The following B3GALT1 variants were observed in gnomAD, a reference collection of about 807,000 sequenced individuals.
The protein encoded by B3GALT1 is beta-1,3-galactosyltransferase 1.
Under a neutral mutation model 23.2 loss-of-function variants are expected in B3GALT1, and 10 were observed. The observed-to-expected ratio is 0.43, with a 90% CI of 0.27 to 0.73. B3GALT1 has a LOEUF of 0.73. B3GALT1 is among the 30% of genes least tolerant of loss of function. The pLI is 0.21. For missense variants in B3GALT1, 299 were observed against 405.4 expected (o/e 0.74, Z 2.25); for synonymous variants, 156 against 141.5 (o/e 1.10, Z -0.73).
In B3GALT1 at chr2:167,466,869, C is replaced by T. The variant is rs188867437; in HGVS notation, c.-510-23308C>T. ...CTGGGACTACAGGCGCCCGCCACCA[C>T]GCCTGGCTAATTTTTTTTTTTTTTT... On this transcript the variant is annotated intron_variant, in intron 1 of 4. Transcript: ENST00000392690. Among the ~76,000 whole-genome samples the T allele has an allele frequency of 2.3e-3, 326 of 140,420 alleles. 2 individuals carry two copies. Among genetic ancestry groups the T allele is most frequent in the African/African-American group, 7.8e-3 (300 of 38,628 alleles). The allele number at this position is 140,420 out of a possible 152,430, so 92.1% of individuals were successfully genotyped here. A position where few individuals can be genotyped will look rare whatever the true frequency, so the allele number is the denominator to read the frequency against.
intron 4 of B3GALT1, among the ~76,000 whole-genome samples, chr2:167,850,031 A>G (rs1689846939): frequency 6.6e-6 from 1 of 152,234 alleles, no homozygotes; most frequent in Non-Finnish European, 1.5e-5. Flanking sequence ...AATAAAAACA[A>G]AGATAAATCA....
At chr2:167,803,963 G>C (rs571764467) in intron 3 of B3GALT1, among the ~76,000 whole-genome samples, 5 of 152,084 alleles carry the variant, frequency 3.3e-5, no homozygotes, top group Non-Finnish European at 7.4e-5. Flanking sequence ...TGTATTGCAC[G>C]AAGTATACAC....
rs531856283 is a variant in B3GALT1 at position 167,746,384 on chromosome 2, T to G, written c.-351-72288T>G. ...CATTTGCAATCTTACTGCATTGATTTGTTTGACATAGAATCATCTTCCAAG... is the reference window on the plus strand; with the variant it reads ...CATTTGCAATCTTACTGCATTGATTGGTTTGACATAGAATCATCTTCCAAG... On this transcript the variant is annotated intron_variant, in intron 3 of 4. Coordinates refer to ENST00000392690, the MANE Select transcript of B3GALT1 (RefSeq NM_020981.4). Among the ~76,000 whole-genome samples the G allele has an allele frequency of 3.3e-5, 5 of 152,352 alleles. No homozygotes were observed. In the South Asian group the frequency reaches 6.2e-4, roughly 19 times the overall value.
intron 1 of B3GALT1, among the ~76,000 whole-genome samples, chr2:167,481,369 A>G (rs939094236): frequency 6.7e-6 from 1 of 149,508 alleles, no homozygotes; most frequent in African/African-American, 2.4e-5. Flanking sequence ...AGTTTAGCTT[A>G]TCTCCATAAG....
intron 2 of B3GALT1, among the ~76,000 whole-genome samples, chr2:167,570,434 G>C (rs540385885): frequency 1.3e-5 from 2 of 151,790 alleles, no homozygotes; most frequent in Non-Finnish European, 2.9e-5. Context: ...ATTTGTGAGC[G>C]TACAGTTGTT....
intron 4 of B3GALT1, among the ~76,000 whole-genome samples, chr2:167,839,340 C>T (rs373677512): frequency 2.0e-5 from 3 of 152,134 alleles, no homozygotes; most frequent in Non-Finnish European, 2.9e-5. Flanking sequence ...TCTCAGGATA[C>T]AAAATCAATG....
chr2:167,481,930 G>A (rs1417609606), intron 1 of B3GALT1, among the ~76,000 whole-genome samples: 2 of 152,144 alleles, frequency 1.3e-5, no homozygotes, highest in Admixed American at 6.5e-5. Context: ...TTTTTTGAAG[G>A]CAGAGATTAA....
chr2:167,656,955 A>C (rs1685965625), intron 3 of B3GALT1, among the ~76,000 whole-genome samples: 1 of 152,124 alleles, frequency 6.6e-6, no homozygotes, highest in Non-Finnish European at 1.5e-5. Flanking sequence ...GCCACAGTGA[A>C]GAAGCCAGAG....
chr2:167,743,425 G>A (rs1170964706), intron 3 of B3GALT1, among the ~76,000 whole-genome samples: 2 of 152,016 alleles, frequency 1.3e-5, no homozygotes, highest in Admixed American at 1.3e-4. Flanking sequence ...GAAAACAATA[G>A]AATATTTATC....
At chr2:167,602,255 G>C (rs983134886) in intron 2 of B3GALT1, among the ~76,000 whole-genome samples, 1 of 152,184 alleles carries the variant, frequency 6.6e-6, no homozygotes, top group African/African-American at 2.4e-5. Context: ...AGAAACAGCA[G>C]TGTACAGAGA....
At chr2:167,361,464 T>C (rs1697498824) in intron 1 of B3GALT1, among the ~76,000 whole-genome samples, 1 of 152,174 alleles carries the variant, frequency 6.6e-6, no homozygotes, top group African/African-American at 2.4e-5. Context: ...AAGCTGACAA[T>C]GCACAGTAGT....
intron 1 of B3GALT1, among the ~76,000 whole-genome samples, chr2:167,298,585 T>C (rs1248641083): frequency 6.6e-6 from 1 of 152,126 alleles, no homozygotes; most frequent in Admixed American, 6.5e-5. Flanking sequence ...CAGATGTATA[T>C]ACTCTATATA....
At chr2:167,838,560 A>T (rs1193105647) in intron 4 of B3GALT1, among the ~76,000 whole-genome samples, 1 of 152,304 alleles carries the variant, frequency 6.6e-6, no homozygotes, top group Non-Finnish European at 1.5e-5. Flanking sequence ...TAAAGAGTCC[A>T]GGACCAGAAG....
At chr2:167,559,920 G>A (rs1245547625) in intron 2 of B3GALT1, among the ~76,000 whole-genome samples, 8 of 152,080 alleles carry the variant, frequency 5.3e-5, no homozygotes, top group African/African-American at 1.9e-4. Context: ...ATCTAGCAAG[G>A]CAGGCCAACG....
intron 2 of B3GALT1, among the ~76,000 whole-genome samples, chr2:167,582,434 T>C (rs1175516565): frequency 1.3e-5 from 2 of 152,170 alleles, no homozygotes; most frequent in Non-Finnish European, 2.9e-5. Context: ...CAAGAAAATA[T>C]AGTGTCTATT....
chr2:167,499,963 G>T (rs191281183), intron 2 of B3GALT1, among the ~76,000 whole-genome samples: 278 of 152,132 alleles, frequency 1.8e-3, no homozygotes, highest in African/African-American at 6.4e-3. Context: ...GGCAGGTCAG[G>T]GGTGGTGTGT....
At chr2:167,616,218 C>T (rs1685158876) in intron 2 of B3GALT1, among the ~76,000 whole-genome samples, 1 of 151,956 alleles carries the variant, frequency 6.6e-6, no homozygotes, top group Non-Finnish European at 1.5e-5. Flanking sequence ...TTGAATAAAT[C>T]TCCTGAAGAG....
At chr2:167,808,752 A>G (rs1260452474) in intron 3 of B3GALT1, among the ~76,000 whole-genome samples, 2 of 151,970 alleles carry the variant, frequency 1.3e-5, no homozygotes, top group Admixed American at 6.6e-5. Context: ...GAATCTGACA[A>G]TTATGTGTCT....
intron 2 of B3GALT1, among the ~76,000 whole-genome samples, chr2:167,615,571 G>A (rs944374396): frequency 2.0e-5 from 3 of 151,986 alleles, no homozygotes; most frequent in African/African-American, 7.2e-5. Context: ...AGTATACGAA[G>A]TAATGAATTT....
Sources: allele counts gnomAD v4.1 joint callset (sites outside exome capture counted in the v4.1 genomes callset), GRCh38; gene constraint gnomAD v4.1.1; transcripts MANE v1.5; gene names NCBI Gene and HGNC (gene_info 2026-07-23, HGNC 2026-07-21).